The following DRG1 variants were observed in gnomAD, a reference collection of about 807,000 sequenced individuals.
The protein encoded by DRG1 is developmentally regulated GTP binding protein 1.
DRG1 carries 19 observed loss-of-function variants against 38.8 expected under a neutral mutation model. The observed-to-expected ratio is 0.49, with a 90% CI of 0.34 to 0.72. The LOEUF is 0.72. DRG1 is among the 30% of genes least tolerant of loss of function. The pLI is 0.01. For synonymous variants in DRG1, 167 were observed against 157.5 expected (o/e 1.06, Z -0.45); for missense variants, 299 against 444.8 (o/e 0.67, Z 2.95).
At position 31,409,337 on chromosome 22, in the gene DRG1, G is replaced by A. The variant is rs150218847; in HGVS notation, c.343-1675G>A. On this transcript the variant is annotated intron_variant, in intron 3 of 8. Transcript: ENST00000331457. ...TGAGCTCAAGCAATCTGCCTGCTTC[G>A]GCCTCTGGGAAAGTGCTGTGGAATT... Among the ~76,000 whole-genome samples, 119 of 152,058 alleles carry A rather than the reference G, an allele frequency of 7.8e-4. 1 individual carries two copies. The South Asian group carries it at 0.021, about 27-fold the overall frequency.
chr22:31,408,243 A>G (rs1167089276), intron 3 of DRG1, among the ~76,000 whole-genome samples: 3 of 116,994 alleles, frequency 2.6e-5, no homozygotes, highest in South Asian at 3.0e-4. Flanking sequence ...GGTTCAAGCA[A>G]TTCTCCTGCC....
chr22:31,429,067 G>T (rs1287655904), intron 8 of DRG1, among the ~76,000 whole-genome samples: 1 of 152,050 alleles, frequency 6.6e-6, no homozygotes, highest in Non-Finnish European at 1.5e-5. Flanking sequence ...TTGAGACTGT[G>T]AAAGTCCTTT....
intron 4 of DRG1, among the ~76,000 whole-genome samples, chr22:31,413,854 T>A (rs1455926484): frequency 6.6e-6 from 1 of 152,148 alleles, no homozygotes; most frequent in Non-Finnish European, 1.5e-5. Context: ...CCTCAGGTGA[T>A]CCACCCACCT....
chr22:31,402,082 A>G (rs886807942), intron 2 of DRG1, among the ~76,000 whole-genome samples: 7 of 152,136 alleles, frequency 4.6e-5, no homozygotes, highest in Non-Finnish European at 7.3e-5. Flanking sequence ...AAACCAAAGT[A>G]GATTTATATT....
At chr22:31,400,519 G>A in intron 1 of DRG1, 101 bp from the exon 2 acceptor site, 3 of 1,463,386 alleles carry the variant, frequency 2.1e-6, no homozygotes, top group Non-Finnish European at 2.8e-6. Flanking sequence ...TGTAAACTGG[G>A]TGTGCTAACA....
intron 4 of DRG1, among the ~76,000 whole-genome samples, chr22:31,411,760 G>A (rs1347383312): frequency 6.6e-6 from 1 of 151,142 alleles, no homozygotes; most frequent in Non-Finnish European, 1.5e-5. Flanking sequence ...CAAGTGATCT[G>A]CCTGCCTCAG....
intron 8 of DRG1, 114 bp downstream of exon 8, chr22:31,427,296 T>C: frequency 7.3e-7 from 1 of 1,371,442 alleles, no homozygotes; most frequent in Non-Finnish European, 9.7e-7. Context: ...GCTACTGAAA[T>C]GTTTGCTTGG....
At chr22:31,408,253 C>G (rs1409063117) in intron 3 of DRG1, among the ~76,000 whole-genome samples, 1 of 135,478 alleles carries the variant, frequency 7.4e-6, no homozygotes, top group Non-Finnish European at 1.6e-5. Context: ...ATTCTCCTGC[C>G]TCAGCCTCCT....
chr22:31,399,855 G>C lies in DRG1; in HGVS notation c.42+130G>C, dbSNP rs1482933898. The C allele has an allele frequency of 5.1e-6, 7 of 1,359,232 alleles. No individual in the cohort carries two copies. In the Admixed American group the frequency reaches 9.2e-5, roughly 18 times the overall value. The allele number at this position is 1,359,232 out of a possible 1,614,324, so 84.2% of individuals were successfully genotyped here. ...TCCGCGACTTCTCTCAGCGAGGCCC[G>C]TGTTCCGACTGCCCTCTGCCACGAT... On this transcript the variant is annotated intron_variant, in intron 1 of 8. Coordinates refer to ENST00000331457, the MANE Select transcript of DRG1 (RefSeq NM_004147.4).
chr22:31,410,494 A>T (rs1349424990), intron 3 of DRG1, among the ~76,000 whole-genome samples: 1 of 150,908 alleles, frequency 6.6e-6, no homozygotes, highest in Non-Finnish European at 1.5e-5. Flanking sequence ...ATAGGCTGGC[A>T]TCTCCCAAAA....
chr22:31,418,935 C>T (rs182590136), intron 4 of DRG1, among the ~76,000 whole-genome samples: 3 of 152,246 alleles, frequency 2.0e-5, no homozygotes, highest in Admixed American at 6.5e-5. Flanking sequence ...CCTGCCTCAG[C>T]GTCCCGAACT....
rs149783497 is a variant in DRG1, at chr22:31,431,455, A to G, written c.1005-2417A>G. ...CAAGGCAGGAGGACTGCTTGAGTCC[A>G]GGAGTGTGAGATCAGACTAGGCAAT... On this transcript the variant is annotated intron_variant, in intron 8 of 8. Coordinates refer to ENST00000331457, the MANE Select transcript of DRG1 (RefSeq NM_004147.4). Among the ~76,000 whole-genome samples, 563 of 152,284 alleles carry G rather than the reference A, an allele frequency of 3.7e-3. 5 individuals carry two copies. Among genetic ancestry groups the G allele is most frequent in the African/African-American group, 0.012 (511 of 41,572 alleles).
intron 2 of DRG1, among the ~76,000 whole-genome samples, chr22:31,402,484 A>G (rs2049968129): frequency 6.7e-6 from 1 of 149,124 alleles, no homozygotes; most frequent in African/African-American, 2.5e-5. Context: ...ATCATTTTTC[A>G]TACATATATT....
chr22:31,423,521 GTCT>G, intron 6 of DRG1, 111 bp downstream of exon 6: 45 of 665,544 alleles, frequency 6.8e-5, no homozygotes, highest in Non-Finnish European at 9.5e-5. Context: ...TTGTCCTACT[GTCT>G]TTTTTTTTTT....
chr22:31,417,343 C>T (rs1007434469), intron 4 of DRG1, among the ~76,000 whole-genome samples: 1 of 151,708 alleles, frequency 6.6e-6, no homozygotes, highest in Admixed American at 6.6e-5. Context: ...TGCACTCCAG[C>T]CTGGCGACAG....
chr22:31,431,201 A>AT (rs1441802770), intron 8 of DRG1, among the ~76,000 whole-genome samples: 1 of 151,240 alleles, frequency 6.6e-6, no homozygotes, highest in Non-Finnish European at 1.5e-5. Flanking sequence ...TGCCTGGCTA[A>AT]TTTTTTGTAT....
intron 4 of DRG1, among the ~76,000 whole-genome samples, chr22:31,419,998 G>A (rs1327357812): frequency 2.0e-5 from 3 of 152,122 alleles, no homozygotes; most frequent in African/African-American, 7.2e-5. Context: ...AGCCAAGATT[G>A]TGCCACTGCA....
chr22:31,428,441 C>T (rs1428326024), intron 8 of DRG1, among the ~76,000 whole-genome samples: 1 of 151,776 alleles, frequency 6.6e-6, no homozygotes, highest in East Asian at 2.0e-4. Flanking sequence ...TCTTGATCTC[C>T]TGACCTTGTG....
chr22:31,402,815 G>T (rs1431454630), intron 2 of DRG1, among the ~76,000 whole-genome samples: 1 of 151,912 alleles, frequency 6.6e-6, no homozygotes, highest in Non-Finnish European at 1.5e-5. Context: ...TGACTTTTTT[G>T]AATACAGTTT....
Sources: allele counts gnomAD v4.1 joint callset (sites outside exome capture counted in the v4.1 genomes callset), GRCh38; gene constraint gnomAD v4.1.1; transcripts MANE v1.5; gene names NCBI Gene and HGNC (gene_info 2026-07-23, HGNC 2026-07-21).